The following INSC variants were observed in gnomAD, a reference collection of about 807,000 sequenced individuals.
INSC encodes INSC spindle orientation adaptor protein.
In INSC, 67 loss-of-function variants were observed where a neutral mutation model predicts 58.6. That is an observed-to-expected ratio of 1.14 (90% CI 0.94 to 1.40). INSC has a LOEUF of 1.40. Among genes scored for constraint, INSC ranks in the 40% most tolerant of loss-of-function variants. The pLI, the probability that INSC is intolerant of heterozygous loss-of-function variation, is 0.00. For missense variants in INSC, 714 were observed against 692.0 expected, an observed-to-expected ratio of 1.03 and a Z score of -0.36; for synonymous variants, 262 against 276.1, an observed-to-expected ratio of 0.95 and a Z score of 0.51.
At chr11:15,225,602 A>G (rs971980321) in intron 8 of INSC, 48 bp from the exon 9 acceptor site, 4 of 1,560,768 alleles carry the variant, frequency 2.6e-6, no homozygotes, top group Non-Finnish European at 3.5e-6. Context: ...GACAAGTGAT[A>G]TGAAAACACT....
upstream of INSC, chr11:15,112,586 ATGTGAG>A (rs768026024): frequency 9.0e-6 from 8 of 887,384 alleles, no homozygotes; most frequent in Admixed American, 2.8e-5. Context: ...GGGAAGGTGG[ATGTGAG>A]TGTGTGTGTG....
intron 5 of INSC, among the ~76,000 whole-genome samples, chr11:15,182,342 G>A (rs1201106147): frequency 6.6e-6 from 1 of 152,106 alleles, no homozygotes; most frequent in East Asian, 1.9e-4. Context: ...TGTCTTGGTT[G>A]CAGCCTTGGT....
At chr11:15,190,565 C>CATGG in intron 5 of INSC, 136 bp from the exon 6 acceptor site, 1 of 708,142 alleles carries the variant, frequency 1.4e-6, no homozygotes, top group Admixed American at 2.0e-5. Flanking sequence ...ATTGCACTCA[C>CATGG]AATGAGGCAG....
rs1176679260 is a variant in INSC at position 15,167,104 on chromosome 11, T to C, written c.57-8637T>C. On this transcript the variant is annotated intron_variant, in intron 2 of 12. Coordinates refer to ENST00000379556, the MANE Select transcript of INSC (RefSeq NM_001042536.3). Reference sequence around the variant, plus strand: ...ACTGCTTTTTGTCTAATTCTGTCTATTTTTTTTTTTGCTAAACACAAAAAT... The same window carrying C: ...ACTGCTTTTTGTCTAATTCTGTCTACTTTTTTTTTTGCTAAACACAAAAAT... Among the ~76,000 whole-genome samples, 3 of 141,280 alleles carry C rather than the reference T, an allele frequency of 2.1e-5. No individual in the cohort carries two copies. The East Asian group carries it at 5.9e-4, about 28-fold the overall frequency. 92.7% of individuals were successfully genotyped at this position (141,280 alleles called of 152,430 possible).
chr11:15,268,821 C>T, the INSC span, among the ~76,000 whole-genome samples: 1 of 152,048 alleles, frequency 6.6e-6, no homozygotes, highest in Non-Finnish European at 1.5e-5. Flanking sequence ...TAATCCTTAG[C>T]AGTGGTCATA....
chr11:15,199,619 G>T (rs1226122056), intron 6 of INSC, among the ~76,000 whole-genome samples: 1 of 152,194 alleles, frequency 6.6e-6, no homozygotes, highest in Admixed American at 6.5e-5. Context: ...CCTGACAGAG[G>T]ATGGTCTTTT....
chr11:15,116,805 T>TTTTCTTTCTTTCTTTC lies in INSC; in HGVS notation c.-46+1832_-46+1847dup, dbSNP rs1283336885. On this transcript the variant is annotated intron_variant, in intron 1 of 12. Coordinates refer to ENST00000379556, the MANE Select transcript of INSC (RefSeq NM_001042536.3). The stretch of plus-strand genomic sequence containing the variant: ...TCCTTCCTTTCTTTTCTTTTCTTTC[T>TTTTCTTTCTTTCTTTC]TTTCTTTCTTTCTTTCTTTCTTTCT... Among the ~76,000 whole-genome samples, 188 of 19,976 alleles carry TTTTCTTTCTTTCTTTC rather than the reference T, an allele frequency of 9.4e-3. 39 individuals carry two copies. Among genetic ancestry groups the TTTTCTTTCTTTCTTTC allele is most frequent in the East Asian group, 0.028 (19 of 670 alleles). The allele number at this position is 19,976 out of a possible 152,430, so 13.1% of individuals were successfully genotyped here. A position where few individuals can be genotyped will look rare whatever the true frequency, so the allele number is the denominator to read the frequency against.
chr11:15,196,159 C>T (rs1850361631), intron 6 of INSC, among the ~76,000 whole-genome samples: 1 of 152,194 alleles, frequency 6.6e-6, no homozygotes, highest in African/African-American at 2.4e-5. Flanking sequence ...GGGCCACACC[C>T]TCCAGAGCCT....
chr11:15,247,677 G>T (rs1214954011), downstream of INSC, among the ~76,000 whole-genome samples: 1 of 148,832 alleles, frequency 6.7e-6, no homozygotes, highest in Non-Finnish European at 1.5e-5. Context: ...GCAGACCTTG[G>T]ATTCAAACCA....
chr11:15,133,557 A>G, intron 1 of INSC, among the ~76,000 whole-genome samples: 1 of 150,506 alleles, frequency 6.6e-6, no homozygotes, highest in East Asian at 2.0e-4. Context: ...TTTATTTTCC[A>G]TTTACTCTTA....
chr11:15,140,627 G>A (rs1383273378), intron 1 of INSC, among the ~76,000 whole-genome samples: 1 of 149,814 alleles, frequency 6.7e-6, no homozygotes, highest in Non-Finnish European at 1.5e-5. Context: ...TGCTCAGGCT[G>A]AAGTGCAGTG....
intron 4 of INSC, 63 bp downstream of exon 4, chr11:15,177,226 G>T (rs1624731): frequency 0.52 from 673,916 of 1,290,306 alleles, 184,231 homozygotes; most frequent in East Asian, 0.94. Flanking sequence ...AGAAGGGGCT[G>T]GTATCTTCTC....
chr11:15,155,262 C>T (rs1329998124), intron 2 of INSC, among the ~76,000 whole-genome samples: 4 of 152,158 alleles, frequency 2.6e-5, no homozygotes, highest in Non-Finnish European at 4.4e-5. Context: ...GAAACTCTAT[C>T]CTCTTCCAAT....
the INSC span, among the ~76,000 whole-genome samples, chr11:15,256,953 C>T: frequency 6.6e-6 from 1 of 152,200 alleles, no homozygotes; most frequent in African/African-American, 2.4e-5. Context: ...TTGGGACATT[C>T]AACTGTCATT....
intron 1 of INSC, among the ~76,000 whole-genome samples, chr11:15,135,034 G>A (rs1239095753): frequency 6.6e-6 from 1 of 152,078 alleles, no homozygotes; most frequent in African/African-American, 2.4e-5. Context: ...GTGTAAGTTA[G>A]GGTGTTTGAA....
intron 9 of INSC, among the ~76,000 whole-genome samples, chr11:15,226,611 T>A (rs1268966429): frequency 6.6e-6 from 1 of 152,152 alleles, no homozygotes; most frequent in Non-Finnish European, 1.5e-5. Context: ...CATGATCCTC[T>A]CGTCCTCAAC....
intron 1 of INSC, among the ~76,000 whole-genome samples, chr11:15,147,634 G>A (rs1179846119): frequency 1.3e-5 from 2 of 152,106 alleles, no homozygotes; most frequent in Admixed American, 6.5e-5. Flanking sequence ...CAGGCTATGT[G>A]CCTGGCCCTT....
intron 1 of INSC, among the ~76,000 whole-genome samples, chr11:15,135,786 A>G (rs1848230762): frequency 6.6e-6 from 1 of 152,224 alleles, no homozygotes; most frequent in Non-Finnish European, 1.5e-5. Flanking sequence ...GTATAATAGA[A>G]TGGCACAGAC....
intron 5 of INSC, among the ~76,000 whole-genome samples, chr11:15,181,827 A>G (rs1849790554): frequency 6.6e-6 from 1 of 152,138 alleles, no homozygotes; most frequent in Admixed American, 6.5e-5. Flanking sequence ...ACTTACCTAT[A>G]TTGGGCAACA....
Sources: allele counts gnomAD v4.1 joint callset (sites outside exome capture counted in the v4.1 genomes callset), GRCh38; gene constraint gnomAD v4.1.1; transcripts MANE v1.5; gene names NCBI Gene and HGNC (gene_info 2026-07-23, HGNC 2026-07-21).